BCL2L11: variants seen among roughly 807,000 people sequenced by gnomAD.
BCL2L11 encodes BCL2 like 11.
In BCL2L11, 15 loss-of-function variants were observed where a neutral mutation model predicts 20.6. The observed-to-expected ratio is 0.73, with a 90% CI of 0.49 to 1.12. BCL2L11 has a LOEUF of 1.12. Ranked by LOEUF, BCL2L11 falls within the 50% of genes most tolerant of loss-of-function variation. The probability of loss-of-function intolerance (pLI) is 0.00; values close to 1 mark genes in which losing one functional copy is unlikely to be tolerated. For missense variants in BCL2L11, 292 were observed against 260.9 expected (o/e 1.12, Z -0.82); for synonymous variants, 108 against 92.8 (o/e 1.16, Z -0.94).
intron 3 of BCL2L11, 62 bp from the exon 4 acceptor site, chr2:111,164,071 T>TGCCAC: frequency 1.5e-6 from 1 of 664,734 alleles, no homozygotes; most frequent in Non-Finnish European, 2.9e-6. Context: ...AAATATGGGC[T>TGCCAC]CCCACCCCTC....
chr2:111,163,685 G>C lies in BCL2L11; in HGVS notation c.499-448G>C, dbSNP rs561226504. ...GAGGCACAATGGCGCATCACTGCGA[G>C]ACTTTATTTAGCTTCTTAGGGCAGA... On this transcript the variant is annotated intron_variant, in intron 3 of 3. Transcript: ENST00000393256. Among the ~76,000 whole-genome samples, 4 of 152,238 alleles carry C rather than the reference G, an allele frequency of 2.6e-5. No homozygotes were observed. The South Asian group carries it at 8.3e-4, about 32-fold the overall frequency.
At chr2:111,135,432 A>C (rs1337084968) in intron 2 of BCL2L11, among the ~76,000 whole-genome samples, 4 of 151,974 alleles carry the variant, frequency 2.6e-5, no homozygotes, top group African/African-American at 9.7e-5. Flanking sequence ...TCCCTCAGCC[A>C]CTGCTGACAC....
intron 2 of BCL2L11, among the ~76,000 whole-genome samples, chr2:111,148,954 G>A (rs72836356): frequency 0.023 from 3,539 of 152,270 alleles, 62 homozygotes; most frequent in Non-Finnish European, 0.036. Context: ...ATGTTCCTTC[G>A]TATGGCAAAA....
chr2:111,131,201 T>TA (rs1276724654), intron 2 of BCL2L11: 6 of 134,774 alleles, frequency 4.5e-5, no homozygotes, highest in African/African-American at 1.6e-4. Context: ...GGCCAGGAGA[T>TA]TTTTTTTTTG....
intron 3 of BCL2L11, among the ~76,000 whole-genome samples, chr2:111,155,672 C>T (rs1047915738): frequency 3.3e-5 from 5 of 152,226 alleles, no homozygotes; most frequent in Non-Finnish European, 5.9e-5. Context: ...TGTGCAGGAA[C>T]ACTGCTCTTG....
chr2:111,155,122 G>A (rs1211423801), intron 3 of BCL2L11, among the ~76,000 whole-genome samples: 2 of 152,346 alleles, frequency 1.3e-5, no homozygotes, highest in Middle Eastern at 6.8e-3. Context: ...GAGGCTATTG[G>A]TAAAGGCTAG....
At chr2:111,145,926 T>G (rs908275952) in intron 2 of BCL2L11, 1 of 798,820 alleles carries the variant, frequency 1.3e-6, no homozygotes, top group Non-Finnish European at 1.5e-6. Flanking sequence ...CTTTCTTTTT[T>G]TTTTTTTTTT....
intron 2 of BCL2L11, among the ~76,000 whole-genome samples, chr2:111,136,026 G>A (rs1402654015): frequency 6.6e-6 from 1 of 152,206 alleles, no homozygotes. Context: ...GGCTGGGGAT[G>A]GGCTGGAAGA....
At chr2:111,131,679 CTCTTT>C (rs1418063064) in intron 2 of BCL2L11, 4 of 152,072 alleles carry the variant, frequency 2.6e-5, no homozygotes, top group African/African-American at 9.7e-5. Context: ...GACCTTTCCT[CTCTTT>C]TCTTCTTATT....
At chr2:111,161,590 C>T (rs2078554884) in intron 3 of BCL2L11, 2 of 1,510,054 alleles carry the variant, frequency 1.3e-6, no homozygotes, top group Admixed American at 2.0e-5. Flanking sequence ...TGCGAGGAAC[C>T]ACTCACACTG....
intron 1 of BCL2L11, among the ~76,000 whole-genome samples, chr2:111,121,820 G>A (rs182068494): frequency 5.9e-5 from 9 of 152,346 alleles, no homozygotes; most frequent in East Asian, 3.9e-4. Flanking sequence ...CCATCCGCAC[G>A]ATTCCCTGGC....
chr2:111,121,614 G>T (rs994347411), intron 1 of BCL2L11, among the ~76,000 whole-genome samples: 1 of 152,208 alleles, frequency 6.6e-6, no homozygotes, highest in Non-Finnish European at 1.5e-5. Context: ...GCAGTGTGAG[G>T]GTGTTTCGTG....
At chr2:111,153,276 G>A (rs959487311) in intron 3 of BCL2L11, among the ~76,000 whole-genome samples, 1 of 152,122 alleles carries the variant, frequency 6.6e-6, no homozygotes, top group African/African-American at 2.4e-5. Context: ...CTACTCGGGA[G>A]GCTGAGGCAG....
chr2:111,137,524 C>T (rs541755431), intron 2 of BCL2L11, among the ~76,000 whole-genome samples: 1 of 152,296 alleles, frequency 6.6e-6, no homozygotes, highest in African/African-American at 2.4e-5. Flanking sequence ...TCACACCTGT[C>T]CTTGGAGACC....
At chr2:111,138,012 C>CTTTTTTTTTTTT (rs66601807) in intron 2 of BCL2L11, among the ~76,000 whole-genome samples, 2 of 127,144 alleles carry the variant, frequency 1.6e-5, no homozygotes, top group Non-Finnish European at 3.3e-5. Context: ...TTCTTTCTTT[C>CTTTTTTTTTTTT]TTTTTTTTTT....
At chr2:111,144,337 T>G in intron 2 of BCL2L11, 28 of 822,612 alleles carry the variant, frequency 3.4e-5, no homozygotes, top group Non-Finnish European at 4.5e-5. Context: ...ATGATACAAG[T>G]GAGAAATAGA....
chr2:111,132,904 G>GA (rs2074210939), intron 2 of BCL2L11, among the ~76,000 whole-genome samples: 1 of 152,178 alleles, frequency 6.6e-6, no homozygotes, highest in Non-Finnish European at 1.5e-5. Context: ...GGTCATATCT[G>GA]AAAATACGCT....
In BCL2L11 at chr2:111,164,342, G is replaced by GT. The variant is rs567035722; in HGVS notation, c.*112dup. The stretch of plus-strand genomic sequence containing the variant: ...TTATTATGCAGCCAGCGGTTCTCTT[G>GT]TGGAGGGGGCAGGTGACGTTTCAGA... On this transcript the variant is annotated 3_prime_UTR_variant, in exon 4 of 4. Transcript: ENST00000393256. 1,635 of 796,410 alleles carry GT rather than the reference G, an allele frequency of 2.1e-3. 19 individuals are homozygous for GT. The African/African-American group carries it at 0.024, about 12-fold the overall frequency. 49.3% of individuals were successfully genotyped at this position (796,410 alleles called of 1,614,324 possible).
chr2:111,122,505 C>T (rs2071287154), intron 1 of BCL2L11: 1 of 648,636 alleles, frequency 1.5e-6, no homozygotes. Context: ...GGCGCCGCCC[C>T]CACCGCGGCT....
Sources: gnomAD v4.1 joint callset for allele counts (sites outside exome capture counted in the v4.1 genomes callset) on GRCh38, gnomAD v4.1.1 for gene constraint, MANE v1.5 for transcripts, NCBI Gene and HGNC (gene_info 2026-07-23, HGNC 2026-07-21) for gene names.